The following OSBPL1A variants were observed in gnomAD, a reference collection of about 807,000 sequenced individuals.
OSBPL1A encodes oxysterol binding protein like 1A, also known as oxysterol-binding protein-related protein 1.
OSBPL1A carries 80 observed loss-of-function variants against 137.1 expected under a neutral mutation model. That is an observed-to-expected ratio of 0.58 (90% CI 0.49 to 0.70). The LOEUF is 0.70. Among genes scored for constraint, OSBPL1A ranks in the 30% least tolerant of loss-of-function variants. The pLI is 0.00. For missense variants in OSBPL1A, 970 were observed against 1,129.4 expected, an observed-to-expected ratio of 0.86 and a Z score of 2.02; for synonymous variants, 365 against 389.7, an observed-to-expected ratio of 0.94 and a Z score of 0.75.
intron 15 of OSBPL1A, among the ~76,000 whole-genome samples, chr18:24,266,406 A>G (rs1300464307): frequency 6.6e-6 from 1 of 152,188 alleles, no homozygotes; most frequent in African/African-American, 2.4e-5. Context: ...GGGGAGATGA[A>G]TATGTTGAGC....
At chr18:24,221,794 CATT>C (rs2087901950) in intron 17 of OSBPL1A, among the ~76,000 whole-genome samples, 1 of 152,152 alleles carries the variant, frequency 6.6e-6, no homozygotes, top group African/African-American at 2.4e-5. Context: ...CAGAAAGTTT[CATT>C]ATTACACCCT....
At chr18:24,170,299 C>T (rs773806557) in intron 24 of OSBPL1A, 28 bp downstream of exon 24, 1 of 1,613,104 alleles carries the variant, frequency 6.2e-7, no homozygotes, top group Non-Finnish European at 8.5e-7. Flanking sequence ...CCAGTTATTC[C>T]TTCGATACCA....
intron 4 of OSBPL1A, among the ~76,000 whole-genome samples, chr18:24,362,634 T>A (rs2146188438): frequency 6.6e-6 from 1 of 152,360 alleles, no homozygotes; most frequent in African/African-American, 2.4e-5. Context: ...CCTTTAGGTA[T>A]CATGTTGGAC....
At chr18:24,326,952 C>A (rs992905552) in intron 7 of OSBPL1A, among the ~76,000 whole-genome samples, 6 of 152,012 alleles carry the variant, frequency 3.9e-5, no homozygotes, top group African/African-American at 1.4e-4. Context: ...ATTAGTTCTA[C>A]AATTTTTAAA....
intron 14 of OSBPL1A, among the ~76,000 whole-genome samples, chr18:24,292,542 G>A (rs1359106770): frequency 6.6e-6 from 1 of 152,068 alleles, no homozygotes; most frequent in Non-Finnish European, 1.5e-5. Context: ...AAGAGAGACG[G>A]CGAGAGAGAG....
At chr18:24,217,341 T>C (rs1440378901) in intron 17 of OSBPL1A, among the ~76,000 whole-genome samples, 1 of 147,306 alleles carries the variant, frequency 6.8e-6, no homozygotes, top group African/African-American at 2.5e-5. Flanking sequence ...CATAGCAACC[T>C]CCACTTCCCG....
chr18:24,396,715 T>C (rs1220928014), intron 1 of OSBPL1A, among the ~76,000 whole-genome samples: 2 of 152,136 alleles, frequency 1.3e-5, no homozygotes, highest in African/African-American at 4.8e-5. Flanking sequence ...TCAGAATTTA[T>C]ACCTATCAAA....
intron 15 of OSBPL1A, among the ~76,000 whole-genome samples, chr18:24,247,331 G>A (rs781354308): frequency 2.6e-5 from 4 of 152,238 alleles, no homozygotes; most frequent in Non-Finnish European, 5.9e-5. Context: ...TACTGGCGAT[G>A]TGAAGGTCAA....
At chr18:24,260,432 G>C (rs578030741) in intron 15 of OSBPL1A, among the ~76,000 whole-genome samples, 50 of 152,148 alleles carry the variant, frequency 3.3e-4, no homozygotes, top group Admixed American at 1.2e-3. Context: ...TGGATATACA[G>C]ATACAATGTG....
intron 17 of OSBPL1A, among the ~76,000 whole-genome samples, chr18:24,224,068 C>G (rs1014268164): frequency 1.3e-5 from 2 of 152,150 alleles, no homozygotes; most frequent in African/African-American, 4.8e-5. Context: ...AGGACAACCT[C>G]TAACCCAACA....
At chr18:24,315,629 A>G (rs1486991001) in intron 11 of OSBPL1A, among the ~76,000 whole-genome samples, 3 of 77,206 alleles carry the variant, frequency 3.9e-5, no homozygotes. Flanking sequence ...ATAATTAATT[A>G]TATATATTAT....
chr18:24,275,694 T>G (rs998851222), intron 15 of OSBPL1A, among the ~76,000 whole-genome samples: 4 of 151,802 alleles, frequency 2.6e-5, no homozygotes, highest in African/African-American at 9.7e-5. Context: ...AGGGTCTGAA[T>G]CTTTCCATTA....
intron 24 of OSBPL1A, among the ~76,000 whole-genome samples, chr18:24,169,110 G>C (rs781636281): frequency 6.6e-6 from 1 of 152,192 alleles, no homozygotes; most frequent in Non-Finnish European, 1.5e-5. Context: ...CCGTGGGCAG[G>C]AACATGGGAT....
chr18:24,348,009 T>C (rs1048569445), intron 4 of OSBPL1A, among the ~76,000 whole-genome samples: 3 of 152,052 alleles, frequency 2.0e-5, no homozygotes, highest in Non-Finnish European at 4.4e-5. Context: ...TATACTGTTA[T>C]AGAGAGGGCA....
At chr18:24,202,859 T>C (rs2087260075) in intron 17 of OSBPL1A, among the ~76,000 whole-genome samples, 1 of 152,268 alleles carries the variant, frequency 6.6e-6, no homozygotes, top group African/African-American at 2.4e-5. Context: ...ATTCAAGTTC[T>C]ATGTCAAAAC....
chr18:24,170,055 C>T (rs1478543436), intron 24 of OSBPL1A, among the ~76,000 whole-genome samples: 12 of 152,304 alleles, frequency 7.9e-5, no homozygotes, highest in Admixed American at 7.2e-4. Context: ...TTAAGATGAA[C>T]TCCAACATTC....
intron 15 of OSBPL1A, among the ~76,000 whole-genome samples, chr18:24,263,546 C>T (rs1187887588): frequency 6.6e-6 from 1 of 152,194 alleles, no homozygotes; most frequent in Non-Finnish European, 1.5e-5. Flanking sequence ...TGTATTTTTA[C>T]TTGGGTCCTT....
intron 3 of OSBPL1A, chr18:24,367,405 G>C (rs2091718253): frequency 6.6e-6 from 1 of 152,110 alleles, no homozygotes; most frequent in Admixed American, 6.6e-5. Flanking sequence ...ACTTTGGGAG[G>C]CTGACGTGGG....
intron 1 of OSBPL1A, among the ~76,000 whole-genome samples, chr18:24,385,484 T>C (rs1906903073): frequency 6.6e-6 from 1 of 152,050 alleles, no homozygotes; most frequent in Non-Finnish European, 1.5e-5. Context: ...GAACCCTCAA[T>C]GGGAGAAAAG....
Sources: gnomAD v4.1 joint callset for allele counts (sites outside exome capture counted in the v4.1 genomes callset) on GRCh38, gnomAD v4.1.1 for gene constraint, MANE v1.5 for transcripts, NCBI Gene and HGNC (gene_info 2026-07-23, HGNC 2026-07-21) for gene names.